PTCHD1: variants seen among roughly 807,000 people sequenced by gnomAD.
PTCHD1 encodes patched domain containing 1.
Under a neutral mutation model 34.6 loss-of-function variants are expected in PTCHD1, and 3 were observed. That is an observed-to-expected ratio of 0.09 (90% CI 0.04 to 0.22). The LOEUF is 0.22. PTCHD1 is among the 10% of genes least tolerant of loss of function. PTCHD1 has a pLI of 1.00. For synonymous variants in PTCHD1, 305 were observed against 283.1 expected, an observed-to-expected ratio of 1.08 and a Z score of -0.77; for missense variants, 504 against 685.5, an observed-to-expected ratio of 0.74 and a Z score of 2.96.
intron 1 of PTCHD1, among the ~76,000 whole-genome samples, chrX:23,378,746 A>T (rs1035008124): frequency 3.6e-5 from 4 of 112,502 alleles, no homozygotes; most frequent in Non-Finnish European, 5.6e-5. Context: ...GTTTATCTGT[A>T]TAAGGAGCCT....
At chrX:23,374,297 A>G (rs904346360) in intron 1 of PTCHD1, among the ~76,000 whole-genome samples, 62 of 98,999 alleles carry the variant, frequency 6.3e-4, no homozygotes, top group African/African-American at 2.1e-3. Context: ...AAAAAAAAAA[A>G]AAAAAAAAAA....
At chrX:23,392,070 C>CTTCCTTTTTTTTT (rs1922848553) in intron 2 of PTCHD1, among the ~76,000 whole-genome samples, 1 of 39,480 alleles carries the variant, frequency 2.5e-5, no homozygotes, top group African/African-American at 2.3e-4. Context: ...TTCTTTCTTT[C>CTTCCTTTTTTTTT]TTTCTTTTTT....
intron 1 of PTCHD1, among the ~76,000 whole-genome samples, chrX:23,376,574 C>T (rs754482506): frequency 8.9e-6 from 1 of 112,363 alleles, no homozygotes; most frequent in Non-Finnish European, 1.9e-5. Flanking sequence ...TATCTGCCCA[C>T]GGCTATGTGG....
chrX:23,365,134 C>T (rs746680717), intron 1 of PTCHD1, among the ~76,000 whole-genome samples: 160 of 111,910 alleles, frequency 1.4e-3, no homozygotes, highest in Middle Eastern at 9.1e-3. Context: ...CATCTACACT[C>T]GTGAACTTGT....
rs1377559038 is a variant in PTCHD1 at position 23,402,017 on chromosome X, A to G, written c.*7832A>G. The G allele has an allele frequency of 8.9e-6, 1 of 112,456 alleles. No homozygotes were observed. Among genetic ancestry groups the G allele is most frequent in the Non-Finnish European group, 1.9e-5 (1 of 53,314 alleles). The allele number at this position is 112,456 out of a possible 1,213,427, so 9.3% of individuals were successfully genotyped here. A position where few individuals can be genotyped will look rare whatever the true frequency, so the allele number is the denominator to read the frequency against. ...GGTATGGAATTGTGGAAATTTATTT[A>G]GAATATTTGCTTGGTGATCCAGAGA... On this transcript the variant is annotated 3_prime_UTR_variant, in exon 3 of 3. Transcript: ENST00000379361.
At chrX:23,381,658 T>G (rs1004023319) in intron 2 of PTCHD1, among the ~76,000 whole-genome samples, 1 of 111,765 alleles carries the variant, frequency 8.9e-6, no homozygotes. Flanking sequence ...TGAAACCTAG[T>G]CAATAAACAT....
intron 1 of PTCHD1, among the ~76,000 whole-genome samples, chrX:23,352,344 G>A (rs1921661176): frequency 8.9e-6 from 1 of 111,947 alleles, no homozygotes; most frequent in African/African-American, 3.2e-5. Flanking sequence ...TCCTAATGTG[G>A]AAGCAATCTC....
At position 23,379,650 on chromosome X, in the gene PTCHD1, C is replaced by T. The variant is rs758703737; in HGVS notation, c.411C>T (p.Ala137=). Residue 137 remains alanine (A), a synonymous_variant, in exon 2 of 3, where the codon GCC becomes GCT. Transcript: ENST00000379361. ...VPRPGFNYTF[A]HICILNNDKT... ...GGCCTGGTTTTAATTACACGTTTGC[C>T]CATATATGTATCCTGAATAATGATA... 8.3e-7 allele frequency: 1 copy of T among 1,210,808 alleles called. No individual in the cohort carries two copies. Among genetic ancestry groups the T allele is most frequent in the Admixed American group, 2.2e-5 (1 of 45,980 alleles).
chrX:23,392,880 G>A lies in PTCHD1; in HGVS notation c.1362G>A (p.Pro454=), dbSNP rs191629095. The A allele has an allele frequency of 1.6e-5, 19 of 1,210,165 alleles. No homozygotes were observed. Among genetic ancestry groups the A allele is most frequent in the African/African-American group, 1.0e-4 (6 of 57,422 alleles). ...VPKPEALQEK[P]AWYRFLLTAR... ...AGCCTGAGGCATTGCAGGAGAAGCC[G>A]GCATGGTACAGGTTTCTCCTGACGG... is the stretch of plus-strand genomic sequence containing the variant. The change falls in exon 3 of 3, where the codon CCG becomes CCA. Residue 454 remains proline (P), a synonymous_variant. Transcript: ENST00000379361.
chrX:23,394,838 C>T lies in PTCHD1; in HGVS notation c.*653C>T, dbSNP rs913482359. 3 of 113,270 alleles carry T rather than the reference C, an allele frequency of 2.6e-5. No homozygotes were observed. Among genetic ancestry groups the T allele is most frequent in the Non-Finnish European group, 5.6e-5 (3 of 53,549 alleles). 9.3% of individuals were successfully genotyped at this position (113,270 alleles called of 1,213,427 possible). A position where few individuals can be genotyped will look rare whatever the true frequency, so the allele number is the denominator to read the frequency against. ...TAAATTTACCCAGGTGAAGCAGTTT[C>T]GTTGTCTAGAATGAAATTATCATAT... On this transcript the variant is annotated 3_prime_UTR_variant, in exon 3 of 3. Coordinates refer to ENST00000379361, the MANE Select transcript of PTCHD1 (RefSeq NM_173495.3).
At chrX:23,342,286 ATATATATATATATATATATATATATTTT>A (rs1921340161) in intron 1 of PTCHD1, among the ~76,000 whole-genome samples, 3 of 5,192 alleles carry the variant, frequency 5.8e-4, no homozygotes, top group Admixed American at 9.4e-3. Context: ...ATATATATAT[ATATATATATATATATATATATATATTTT>A]TTTTTTTTTT....
intron 1 of PTCHD1, among the ~76,000 whole-genome samples, chrX:23,373,410 G>A (rs1922326194): frequency 8.9e-6 from 1 of 112,970 alleles, no homozygotes; most frequent in Non-Finnish European, 1.9e-5. Context: ...AGGCACACAT[G>A]TGCAGAGGAA....
At chrX:23,372,452 G>A (rs886453846) in intron 1 of PTCHD1, among the ~76,000 whole-genome samples, 1 of 110,671 alleles carries the variant, frequency 9.0e-6, no homozygotes, top group East Asian at 2.8e-4. Flanking sequence ...GGGAAGTGAC[G>A]TGTTTTCATA....
chrX:23,380,664 G>A (rs1183175955), intron 2 of PTCHD1, among the ~76,000 whole-genome samples: 1 of 111,626 alleles, frequency 9.0e-6, no homozygotes, highest in Non-Finnish European at 1.9e-5. Context: ...TCAGTTGAAG[G>A]CAGGCAGTTG....
At chrX:23,371,648 T>G (rs1320886178) in intron 1 of PTCHD1, among the ~76,000 whole-genome samples, 2 of 110,851 alleles carry the variant, frequency 1.8e-5, no homozygotes, top group Admixed American at 1.9e-4. Flanking sequence ...GGCCCAGCTG[T>G]GTTATGAACA....
At chrX:23,359,907 CAT>C (rs1274095707) in intron 1 of PTCHD1, among the ~76,000 whole-genome samples, 1 of 111,769 alleles carries the variant, frequency 8.9e-6, no homozygotes, top group African/African-American at 3.3e-5. Flanking sequence ...TTGAGATAAT[CAT>C]GTGATTTTTG....
chrX:23,370,858 A>G (rs982310503), intron 1 of PTCHD1, among the ~76,000 whole-genome samples: 10 of 111,515 alleles, frequency 9.0e-5, no homozygotes, highest in Non-Finnish European at 1.7e-4. Flanking sequence ...GAATGAGAAG[A>G]TTTCTGAGAT....
At chrX:23,336,044 T>A (rs181925209) in intron 1 of PTCHD1, among the ~76,000 whole-genome samples, 1 of 111,147 alleles carries the variant, frequency 9.0e-6, no homozygotes, top group East Asian at 2.8e-4. Context: ...CCAGGCTGTG[T>A]GACCCCGAGA....
Position 23,404,316 on chromosome X carries a change from A to G in PTCHD1, c.*10131A>G, listed in dbSNP as rs1176831753. 3 of 112,113 alleles carry G rather than the reference A, an allele frequency of 2.7e-5. No homozygotes were observed. Among genetic ancestry groups the G allele is most frequent in the Non-Finnish European group, 3.8e-5 (2 of 53,254 alleles). The allele number at this position is 112,113 out of a possible 1,213,427, so 9.2% of individuals were successfully genotyped here. ...AAATTGTATATATTTATGGGATACAATGTGATGTTTTGATATATGTATGCA... is the reference window on the plus strand; with the variant it reads ...AAATTGTATATATTTATGGGATACAGTGTGATGTTTTGATATATGTATGCA... On this transcript the variant is annotated 3_prime_UTR_variant, in exon 3 of 3. Coordinates refer to ENST00000379361, the MANE Select transcript of PTCHD1 (RefSeq NM_173495.3).
Sources: gnomAD v4.1 joint callset for allele counts (sites outside exome capture counted in the v4.1 genomes callset) on GRCh38, gnomAD v4.1.1 for gene constraint, MANE v1.5 for transcripts, NCBI Gene and HGNC (gene_info 2026-07-23, HGNC 2026-07-21) for gene names.